The following PABPC1L variants were observed in gnomAD, a reference collection of about 807,000 sequenced individuals.
The protein encoded by PABPC1L is poly(A) binding protein cytoplasmic 1 like, also known as polyadenylate-binding protein 1-like.
In PABPC1L, 31 loss-of-function variants were observed where a neutral mutation model predicts 66.6. The ratio of observed to expected loss-of-function variants is 0.47; its 90% confidence interval spans 0.35 to 0.63. PABPC1L has a LOEUF of 0.63. Ranked by LOEUF, PABPC1L falls within the 20% of genes least tolerant of loss-of-function variation. The pLI, the probability that PABPC1L is intolerant of heterozygous loss-of-function variation, is 0.00. For missense variants in PABPC1L, 722 were observed against 848.8 expected, an observed-to-expected ratio of 0.85 and a Z score of 1.86; for synonymous variants, 348 against 335.1, an observed-to-expected ratio of 1.04 and a Z score of -0.42.
At chr20:44,915,094 G>C (rs2066729493) in intron 2 of PABPC1L, among the ~76,000 whole-genome samples, 1 of 152,224 alleles carries the variant, frequency 6.6e-6, no homozygotes, top group Admixed American at 6.5e-5. Flanking sequence ...ATGAGAGGTG[G>C]AGGGGTATGT....
chr20:44,929,254 C>A lies in PABPC1L; in HGVS notation c.973-1206C>A, dbSNP rs532421310. On this transcript the variant is annotated intron_variant, in intron 7 of 14. Coordinates refer to ENST00000217073, the MANE Select transcript of PABPC1L (RefSeq NM_001372179.1). ...TCCAGCCTGGATGACAGAGTGAGAC[C>A]CCATCTCTTTAAAAAACAAACAAAT... Among the ~76,000 whole-genome samples, 353 of 151,864 alleles carry A rather than the reference C, an allele frequency of 2.3e-3. 2 individuals are homozygous for A. Among genetic ancestry groups the A allele is most frequent in the Non-Finnish European group, 3.0e-3 (207 of 67,968 alleles).
intron 7 of PABPC1L, among the ~76,000 whole-genome samples, chr20:44,928,722 G>A (rs1450723633): frequency 6.6e-6 from 1 of 151,850 alleles, no homozygotes; most frequent in Non-Finnish European, 1.5e-5. Context: ...AACAAAATTA[G>A]GCATGGTGGT....
At chr20:44,934,484 G>A (rs138231680) in intron 10 of PABPC1L, among the ~76,000 whole-genome samples, 2 of 152,218 alleles carry the variant, frequency 1.3e-5, no homozygotes, top group African/African-American at 2.4e-5. Flanking sequence ...ATAACTTCTC[G>A]TTCCTCCTCC....
At chr20:44,929,823 C>G (rs187107805) in intron 7 of PABPC1L, among the ~76,000 whole-genome samples, 1 of 151,880 alleles carries the variant, frequency 6.6e-6, no homozygotes, top group Admixed American at 6.6e-5. Flanking sequence ...ATATAGCAAC[C>G]CTCTGTACTG....
At chr20:44,933,509 G>A (rs2066878020) in intron 10 of PABPC1L, among the ~76,000 whole-genome samples, 1 of 151,924 alleles carries the variant, frequency 6.6e-6, no homozygotes, top group Non-Finnish European at 1.5e-5. Context: ...GCAATGGCAT[G>A]ATCTCTGCTC....
intron 7 of PABPC1L, among the ~76,000 whole-genome samples, chr20:44,926,231 T>C (rs6094054): frequency 6.6e-6 from 1 of 151,864 alleles, no homozygotes; most frequent in Admixed American, 6.6e-5. Context: ...TAAATATATC[T>C]ATTTTTTGTG....
chr20:44,939,297 T>C lies in PABPC1L; in HGVS notation c.*178T>C, dbSNP rs2066925693. Reference sequence around the variant, plus strand: ...GCCTATTACCTTTTGCTTTGTGTATTAAAAGTGCTGCAAAATCTGCCTTGC... The same window carrying C: ...GCCTATTACCTTTTGCTTTGTGTATCAAAAGTGCTGCAAAATCTGCCTTGC... On this transcript the variant is annotated 3_prime_UTR_variant, in exon 15 of 15. Coordinates refer to ENST00000217073, the MANE Select transcript of PABPC1L (RefSeq NM_001372179.1). The C allele has an allele frequency of 1.4e-6, 1 of 696,582 alleles. No homozygotes were observed. The highest frequency in any genetic ancestry group is 2.7e-6 in the Non-Finnish European group (1 of 374,838). 43.2% of individuals were successfully genotyped at this position (696,582 alleles called of 1,614,324 possible).
At chr20:44,922,970 C>T (rs1202513094) in intron 6 of PABPC1L, among the ~76,000 whole-genome samples, 2 of 152,364 alleles carry the variant, frequency 1.3e-5, no homozygotes, top group East Asian at 3.9e-4. Context: ...GAAACACATA[C>T]ATCCTCTTGT....
At chr20:44,910,864 C>T (rs1485283250) in intron 1 of PABPC1L, among the ~76,000 whole-genome samples, 1 of 152,194 alleles carries the variant, frequency 6.6e-6, no homozygotes, top group Admixed American at 6.5e-5. Context: ...TCTACCTGCA[C>T]GGGCTCTGAA....
chr20:44,933,195 G>C lies in PABPC1L; in HGVS notation c.1459+10G>C. 2 of 1,593,062 alleles carry C rather than the reference G, an allele frequency of 1.3e-6. No homozygotes were observed. Among genetic ancestry groups the C allele is most frequent in the South Asian group, 2.3e-5 (2 of 87,624 alleles). Reference sequence around the variant, plus strand: ...CATACCCAGAGAGTAGGTGAGTGTGGGTAGGGCCAAGGGGAATGGGGGTGG... The same window carrying C: ...CATACCCAGAGAGTAGGTGAGTGTGCGTAGGGCCAAGGGGAATGGGGGTGG... On this transcript the variant is annotated intron_variant, in intron 10 of 14. Transcript: ENST00000217073.
In PABPC1L at chr20:44,930,754, C is replaced by T. The variant is rs201999224; in HGVS notation, c.1239+28C>T. 300 of 1,602,968 alleles carry T rather than the reference C, an allele frequency of 1.9e-4. 1 individual carries two copies. In the African/African-American group the frequency reaches 3.5e-3, roughly 19 times the overall value. ...GACGGCCTGCCCGCAACTCCCACCG[C>T]AGCCTTCCCCCCTGCCCCAGCAAGG... is the stretch of plus-strand genomic sequence containing the variant. On this transcript the variant is annotated intron_variant, in intron 8 of 14. Transcript: ENST00000217073.
chr20:44,924,072 CCTTGTACCTGCG>C, intron 6 of PABPC1L, 77 bp from the exon 7 acceptor site: 1 of 1,075,050 alleles, frequency 9.3e-7, no homozygotes, highest in East Asian at 2.4e-5. Context: ...TCCCCATGCC[CCTTGTACCTGCG>C]TCAGTTCCCT....
At chr20:44,932,710 G>A (rs139330525) in intron 9 of PABPC1L, 140 of 508,806 alleles carry the variant, frequency 2.8e-4, no homozygotes, top group Non-Finnish European at 4.3e-4. Context: ...GCAAAGCTGA[G>A]AAGGTGAAAT....
chr20:44,910,385 G>A, intron 1 of PABPC1L, 49 bp downstream of exon 1: 1 of 1,441,512 alleles, frequency 6.9e-7, no homozygotes, highest in Non-Finnish European at 9.1e-7. Context: ...GGACAAGCAG[G>A]CGGACAGACA....
chr20:44,928,878 A>AGAAAAAAG (rs1968329008), intron 7 of PABPC1L, among the ~76,000 whole-genome samples: 1 of 147,444 alleles, frequency 6.8e-6, no homozygotes, highest in African/African-American at 2.6e-5. Context: ...AAAAAAAAAA[A>AGAAAAAAG]AAAAAAAGAA....
At chr20:44,922,351 T>C (rs2066779961) in intron 6 of PABPC1L, among the ~76,000 whole-genome samples, 1 of 152,060 alleles carries the variant, frequency 6.6e-6, no homozygotes, top group Non-Finnish European at 1.5e-5. Flanking sequence ...TTCAAGAAAG[T>C]CTCAGCCTCC....
chr20:44,912,948 A>G (rs1490198737), intron 2 of PABPC1L, 95 bp downstream of exon 2: 11 of 1,189,778 alleles, frequency 9.2e-6, no homozygotes, highest in African/African-American at 1.5e-5. Flanking sequence ...ACAGTTTACA[A>G]GGTCCTTTCA....
intron 8 of PABPC1L, 161 bp from the exon 9 acceptor site, chr20:44,932,181 T>G: frequency 2.1e-6 from 1 of 480,558 alleles, no homozygotes; most frequent in East Asian, 3.3e-5. Context: ...ATGGACATCC[T>G]GAGATGGGAG....
At chr20:44,911,911 C>T (rs2066708015) in intron 1 of PABPC1L, among the ~76,000 whole-genome samples, 1 of 152,226 alleles carries the variant, frequency 6.6e-6, no homozygotes, top group South Asian at 2.1e-4. Context: ...CACTAGCAGA[C>T]TCCCTGAAAC....
Sources: gnomAD v4.1 joint callset for allele counts (sites outside exome capture counted in the v4.1 genomes callset) on GRCh38, gnomAD v4.1.1 for gene constraint, MANE v1.5 for transcripts, NCBI Gene and HGNC (gene_info 2026-07-23, HGNC 2026-07-21) for gene names.